Variants in CDH11 observed in about 807,000 individuals in gnomAD.
CDH11 encodes cadherin-11.
Under a neutral mutation model 67.8 loss-of-function variants are expected in CDH11, and 11 were observed. That is an observed-to-expected ratio of 0.16 (90% CI 0.10 to 0.27). CDH11 has a LOEUF of 0.27. CDH11 is among the 10% of genes least tolerant of loss of function. The pLI, the probability that CDH11 is intolerant of heterozygous loss-of-function variation, is 1.00. For missense variants in CDH11, 847 were observed against 1,031.2 expected, an observed-to-expected ratio of 0.82 and a Z score of 2.45; for synonymous variants, 419 against 400.0, an observed-to-expected ratio of 1.05 and a Z score of -0.57.
chr16:65,059,547 A>T (rs960445272), intron 1 of CDH11: 2 of 152,186 alleles, frequency 1.3e-5, no homozygotes, highest in African/African-American at 4.8e-5. Context: ...GACGGTCAGG[A>T]GGCTCAGGCA....
At chr16:64,958,337 G>A (rs778976040) in intron 11 of CDH11, among the ~76,000 whole-genome samples, 1 of 152,152 alleles carries the variant, frequency 6.6e-6, no homozygotes, top group Admixed American at 6.5e-5. Flanking sequence ...TCCTTCTAAT[G>A]TTGCTTATAT....
At position 65,121,928 on chromosome 16, in the gene CDH11, G is replaced by A; in HGVS notation, c.-346C>T. On this transcript the variant is annotated 5_prime_UTR_variant, in exon 1 of 13. Transcript: ENST00000268603. This position sits in a 1 kb window ranked among gnomAD's most constrained non-coding sequence, Gnocchi z 4.1. ...AACCTCCGAGCCGCCAGTCCCTGGC[G>A]CAGGGCAAGCGCTGCGGTGTCAGTC... 1.4e-6 allele frequency: 1 copy of A among 701,912 alleles called. No homozygotes were observed. Among genetic ancestry groups the A allele is most frequent in the South Asian group, 1.5e-5 (1 of 67,570 alleles). The allele number at this position is 701,912 out of a possible 1,614,324, so 43.5% of individuals were successfully genotyped here.
intron 2 of CDH11, among the ~76,000 whole-genome samples, chr16:65,011,721 T>C (rs1266861549): frequency 2.0e-5 from 3 of 152,210 alleles, no homozygotes; most frequent in African/African-American, 7.2e-5. Context: ...AATAACGCTA[T>C]CTGCAGTGTC....
intron 4 of CDH11, among the ~76,000 whole-genome samples, chr16:64,994,196 T>A (rs1433026560): frequency 6.6e-6 from 1 of 152,196 alleles, no homozygotes; most frequent in East Asian, 1.9e-4. Context: ...CTATAATTCA[T>A]TATTTCATAG....
At chr16:65,091,772 C>A (rs1278615135) in intron 1 of CDH11, among the ~76,000 whole-genome samples, 1 of 151,978 alleles carries the variant, frequency 6.6e-6, no homozygotes, top group African/African-American at 2.4e-5. Flanking sequence ...AGGATGGTCT[C>A]GATCTCCCAA....
chr16:64,981,859 T>C, intron 8 of CDH11, 189 bp downstream of exon 8: 5 of 514,452 alleles, frequency 9.7e-6, no homozygotes, highest in Non-Finnish European at 1.0e-5. Context: ...AACAATCCTA[T>C]CCAAAAAGTC....
At chr16:64,967,332 C>A (rs138124077) in intron 11 of CDH11, among the ~76,000 whole-genome samples, 2 of 152,098 alleles carry the variant, frequency 1.3e-5, no homozygotes, top group African/African-American at 2.4e-5. Flanking sequence ...ATTCTCTTGC[C>A]TCAGCCTCCC....
intron 2 of CDH11, among the ~76,000 whole-genome samples, chr16:65,040,194 C>A (rs967802847): frequency 1.3e-5 from 2 of 152,168 alleles, no homozygotes; most frequent in East Asian, 3.9e-4. Context: ...ACCCAGCCAT[C>A]CCATTACTGG....
intron 8 of CDH11, among the ~76,000 whole-genome samples, chr16:64,979,758 G>C (rs1215814219): frequency 6.6e-6 from 1 of 152,090 alleles, no homozygotes; most frequent in Non-Finnish European, 1.5e-5. Flanking sequence ...TTTAGGCTAA[G>C]ACATGTCCAG....
rs867804160 is a variant in CDH11 at position 65,085,519 on chromosome 16, C to T, written c.-297-31591G>A. Among the ~76,000 whole-genome samples, 3 of 152,300 alleles carry T rather than the reference C, an allele frequency of 2.0e-5. No homozygotes were observed. In the Middle Eastern group the frequency reaches 0.01, roughly 518 times the overall value. Reference sequence around the variant, plus strand: ...CACAGCTATTGATTAATTATTCACACATCTATTCCTCAAGTACTTAACACG... The same window carrying T: ...CACAGCTATTGATTAATTATTCACATATCTATTCCTCAAGTACTTAACACG... On this transcript the variant is annotated intron_variant, in intron 1 of 12. Coordinates refer to ENST00000268603, the MANE Select transcript of CDH11 (RefSeq NM_001797.4).
At chr16:64,975,485 TACAGGGGTA>T (rs1395313462) in intron 8 of CDH11, among the ~76,000 whole-genome samples, 1 of 152,092 alleles carries the variant, frequency 6.6e-6, no homozygotes, top group Non-Finnish European at 1.5e-5. Context: ...GAGAGTGAAG[TACAGGGGTA>T]ACAGAGGAAA....
At chr16:64,956,405 A>T (rs2071512612) in intron 11 of CDH11, among the ~76,000 whole-genome samples, 1 of 152,260 alleles carries the variant, frequency 6.6e-6, no homozygotes. Context: ...GAGGAAAGTG[A>T]ATTCTTGGAA....
At chr16:65,078,983 AT>A (rs1409303180) in intron 1 of CDH11, among the ~76,000 whole-genome samples, 6 of 152,248 alleles carry the variant, frequency 3.9e-5, no homozygotes, top group African/African-American at 1.4e-4. Flanking sequence ...CCCCGGCCTA[AT>A]ATGCCTGTGT....
chr16:64,962,931 G>A (rs1258084317), intron 11 of CDH11, among the ~76,000 whole-genome samples: 1 of 152,106 alleles, frequency 6.6e-6, no homozygotes, highest in African/African-American at 2.4e-5. Context: ...TAAAAACTGA[G>A]GCCCAGTCAT....
intron 11 of CDH11, among the ~76,000 whole-genome samples, chr16:64,953,260 C>CTA (rs1393087145): frequency 2.3e-3 from 342 of 149,676 alleles, no homozygotes; most frequent in Middle Eastern, 0.011. Flanking sequence ...ATATCTATAT[C>CTA]TATATATAGA....
intron 1 of CDH11, among the ~76,000 whole-genome samples, chr16:65,106,569 T>A (rs1402018): frequency 4.6e-5 from 7 of 152,092 alleles, no homozygotes; most frequent in Non-Finnish European, 5.9e-5. Flanking sequence ...TGGGACTCCC[T>A]TTTTGACATG....
upstream of CDH11, among the ~76,000 whole-genome samples, chr16:65,123,044 G>T (rs1196896169): frequency 1.3e-5 from 2 of 152,186 alleles, no homozygotes. Flanking sequence ...ACTCGCTACC[G>T]TGAGGGTTCC....
chr16:65,108,808 G>T (rs2075109659), intron 1 of CDH11, among the ~76,000 whole-genome samples: 1 of 152,126 alleles, frequency 6.6e-6, no homozygotes, highest in Non-Finnish European at 1.5e-5. Flanking sequence ...TTTGGGTAGT[G>T]ATCTGGATTT....
chr16:64,970,325 A>C (rs2142422651), intron 11 of CDH11, among the ~76,000 whole-genome samples: 1 of 152,324 alleles, frequency 6.6e-6, no homozygotes, highest in South Asian at 2.1e-4. Flanking sequence ...TCCAAGCAGC[A>C]TGGGGAGCGC....
Sources: gnomAD v4.1 joint callset for allele counts (sites outside exome capture counted in the v4.1 genomes callset) on GRCh38, gnomAD v4.1.1 for gene constraint, Gnocchi (gnomAD v3.1) non-coding constraint, MANE v1.5 for transcripts, NCBI Gene and HGNC (gene_info 2026-07-23, HGNC 2026-07-21) for gene names.